The following CDH13 variants were observed in gnomAD, a reference collection of about 807,000 sequenced individuals.
CDH13 encodes cadherin-13.
A neutral mutation model predicts 63.8 loss-of-function variants in CDH13; 24 were observed. The ratio of observed to expected loss-of-function variants is 0.38; its 90% CI spans 0.27 to 0.53. CDH13 has a LOEUF of 0.53. Ranked by LOEUF, CDH13 falls within the 20% of genes least tolerant of loss-of-function variation. The pLI, the probability that CDH13 is intolerant of heterozygous loss-of-function variation, is 0.85. For synonymous variants in CDH13, 503 were observed against 355.3 expected, an observed-to-expected ratio of 1.42 and a Z score of -4.67; for missense variants, 1,049 against 903.1, an observed-to-expected ratio of 1.16 and a Z score of -2.07.
intron 6 of CDH13, among the ~76,000 whole-genome samples, chr16:83,461,882 ACATACCC>A (rs2073191290): frequency 6.6e-6 from 1 of 152,230 alleles, no homozygotes; most frequent in African/African-American, 2.4e-5. Context: ...CCAAAGCCAA[ACATACCC>A]CAGAAAGCAG....
Position 83,731,761 on chromosome 16 carries a change from C to A in CDH13, c.1539-16347C>A, listed in dbSNP as rs150213402. Among the ~76,000 whole-genome samples, 454 of 152,212 alleles carry A rather than the reference C, an allele frequency of 3.0e-3. 4 individuals carry two copies. Among genetic ancestry groups the A allele is most frequent in the African/African-American group, 0.01 (435 of 41,504 alleles). On this transcript the variant is annotated intron_variant, in intron 10 of 13. Coordinates refer to ENST00000567109, the MANE Select transcript of CDH13 (RefSeq NM_001257.5). ...GCTGGATTCTTTTCTCGTCTTCTGG[C>A]AAGTCAGTTTAGAAGAGGTTGATTT...
chr16:82,799,260 A>T (rs2036736415), intron 1 of CDH13, among the ~76,000 whole-genome samples: 3 of 152,216 alleles, frequency 2.0e-5, no homozygotes, highest in Admixed American at 2.0e-4. Flanking sequence ...AGTTCCTTGT[A>T]CATAATTCAT....
At chr16:82,763,906 C>T (rs538236128) in intron 1 of CDH13, among the ~76,000 whole-genome samples, 2 of 152,274 alleles carry the variant, frequency 1.3e-5, no homozygotes, top group South Asian at 2.1e-4. Flanking sequence ...CTCCTGGGCT[C>T]AAGCAATCCA....
At chr16:83,294,009 C>T (rs1417845737) in intron 5 of CDH13, among the ~76,000 whole-genome samples, 1 of 152,118 alleles carries the variant, frequency 6.6e-6, no homozygotes, top group Non-Finnish European at 1.5e-5. Context: ...ATAACTACCC[C>T]AAGTTGTGTA....
At chr16:83,557,386 TC>T (rs1294137595) in intron 7 of CDH13, among the ~76,000 whole-genome samples, 2 of 152,054 alleles carry the variant, frequency 1.3e-5, no homozygotes, top group Non-Finnish European at 2.9e-5. Context: ...CCCAAAACCA[TC>T]CCCACTCTGG....
In CDH13 at chr16:83,226,068, C is replaced by T. The variant is rs202216436; in HGVS notation, c.636+8571C>T. Reference sequence around the variant, plus strand: ...TGAGAAACAGAATTTAATAAACAAACGCTTGTCTTCTGAGTGCTTGTGAAA... The same window carrying T: ...TGAGAAACAGAATTTAATAAACAAATGCTTGTCTTCTGAGTGCTTGTGAAA... On this transcript the variant is annotated intron_variant, in intron 5 of 13. Coordinates refer to ENST00000567109, the MANE Select transcript of CDH13 (RefSeq NM_001257.5). Among the ~76,000 whole-genome samples the T allele has an allele frequency of 6.6e-5, 10 of 152,278 alleles. No individual in the cohort carries two copies. In the South Asian group the frequency reaches 1.2e-3, roughly 19 times the overall value.
At chr16:83,077,173 TTTTTTTTCTTTTC>T (rs2032901275) in intron 3 of CDH13, among the ~76,000 whole-genome samples, 8 of 137,502 alleles carry the variant, frequency 5.8e-5, no homozygotes, top group African/African-American at 1.8e-4. Context: ...TTTTCTTTTC[TTTTTTTTCTTTTC>T]TTTTTTTTTT....
At chr16:83,486,824 G>A (rs368884830) in intron 7 of CDH13, among the ~76,000 whole-genome samples, 169 bp downstream of exon 7, 18 of 152,230 alleles carry the variant, frequency 1.2e-4, no homozygotes, top group African/African-American at 3.9e-4. Flanking sequence ...GGGATATTAT[G>A]TGACCCAAGA....
At chr16:82,977,806 G>C (rs1909729394) in intron 2 of CDH13, among the ~76,000 whole-genome samples, 1 of 152,180 alleles carries the variant, frequency 6.6e-6, no homozygotes, top group Non-Finnish European at 1.5e-5. Context: ...GAACAGTTTG[G>C]AGGGCTCAGA....
intron 4 of CDH13, among the ~76,000 whole-genome samples, chr16:83,175,762 A>T (rs779257746): frequency 6.6e-6 from 1 of 151,604 alleles, no homozygotes; most frequent in Non-Finnish European, 1.5e-5. Flanking sequence ...CTTTATGTAA[A>T]TGTGTATAAT....
At chr16:83,334,623 G>A (rs548601397) in intron 5 of CDH13, among the ~76,000 whole-genome samples, 1 of 151,514 alleles carries the variant, frequency 6.6e-6, no homozygotes, top group Non-Finnish European at 1.5e-5. Flanking sequence ...CATTCCTCCC[G>A]CCTTAGCCCT....
chr16:82,785,046 T>C (rs1486408918), intron 1 of CDH13, among the ~76,000 whole-genome samples: 1 of 152,102 alleles, frequency 6.6e-6, no homozygotes, highest in Admixed American at 6.5e-5. Flanking sequence ...TAAGAAAGAA[T>C]GTAGCATGAT....
chr16:83,145,723 C>G (rs942444157), intron 4 of CDH13, among the ~76,000 whole-genome samples: 1 of 152,312 alleles, frequency 6.6e-6, no homozygotes, highest in Non-Finnish European at 1.5e-5. Context: ...TCAATCAATA[C>G]TTACTGAGTA....
intron 1 of CDH13, among the ~76,000 whole-genome samples, chr16:82,725,898 T>A (rs1057066085): frequency 1.3e-5 from 2 of 152,182 alleles, no homozygotes; most frequent in African/African-American, 4.8e-5. Flanking sequence ...ATAGACTTAA[T>A]AAGGCCTGAG....
intron 3 of CDH13, among the ~76,000 whole-genome samples, chr16:83,095,349 TAAATA>T (rs953600692): frequency 6.6e-6 from 1 of 152,162 alleles, no homozygotes; most frequent in African/African-American, 2.4e-5. Flanking sequence ...CAAAAAAAGA[TAAATA>T]AAACAACAAA....
chr16:83,548,913 T>C (rs1002838199), intron 7 of CDH13, among the ~76,000 whole-genome samples: 2 of 152,218 alleles, frequency 1.3e-5, no homozygotes, highest in Admixed American at 6.5e-5. Flanking sequence ...AAGCCTTCAG[T>C]AGAATTTCAT....
intron 3 of CDH13, among the ~76,000 whole-genome samples, chr16:83,058,864 C>G (rs568063796): frequency 2.4e-4 from 37 of 152,202 alleles, no homozygotes; most frequent in Non-Finnish European, 4.9e-4. Context: ...TTCCAGGACT[C>G]TAACAAGGCT....
intron 10 of CDH13, among the ~76,000 whole-genome samples, chr16:83,738,515 G>A (rs541638345): frequency 4.6e-5 from 7 of 152,248 alleles, no homozygotes; most frequent in South Asian, 4.2e-4. Context: ...GGGTAAATGC[G>A]AGTGGAGTTG....
At chr16:82,939,416 T>G (rs1012439953) in intron 2 of CDH13, among the ~76,000 whole-genome samples, 3 of 146,526 alleles carry the variant, frequency 2.0e-5, no homozygotes, top group African/African-American at 7.6e-5. Flanking sequence ...GAGTAAGACC[T>G]TAGCTCAAAA....
Sources: gnomAD v4.1 joint callset for allele counts (sites outside exome capture counted in the v4.1 genomes callset) on GRCh38, gnomAD v4.1.1 for gene constraint, MANE v1.5 for transcripts, NCBI Gene and HGNC (gene_info 2026-07-23, HGNC 2026-07-21) for gene names.